Variants in PTPRM observed in about 807,000 individuals in gnomAD.
PTPRM encodes the protein receptor-type tyrosine-protein phosphatase mu.
In PTPRM, 47 loss-of-function variants were observed where a neutral mutation model predicts 186.7. The observed-to-expected ratio is 0.25, with a 90% confidence interval of 0.20 to 0.32. The LOEUF (loss-of-function observed/expected upper bound fraction) is 0.32. Ranked by LOEUF, PTPRM falls within the 10% of genes least tolerant of loss-of-function variation. PTPRM has a pLI of 1.00. For synonymous variants in PTPRM, 668 were observed against 674.9 expected, an observed-to-expected ratio of 0.99 and a Z score of 0.16; for missense variants, 1,494 against 1,865.0, an observed-to-expected ratio of 0.80 and a Z score of 3.66.
Position 8,366,849 on chromosome 18 carries a change from C to T in PTPRM, c.3055-4041C>T, listed in dbSNP as rs945479855. 1.3e-5 allele frequency: 2 copies of T among 152,228 alleles called. 1 individual carries two copies. Among genetic ancestry groups the T allele is most frequent in the Non-Finnish European group, 2.9e-5 (2 of 68,058 alleles). 9.4% of individuals were successfully genotyped at this position (152,228 alleles called of 1,614,324 possible). On this transcript the variant is annotated intron_variant, in intron 23 of 32. Coordinates refer to ENST00000580170, the MANE Select transcript of PTPRM (RefSeq NM_001105244.2). ...CCTTGCTTTCTGGGCTGGAGGCTGC[C>T]GCCTTACGTGATTAGGATGCGTGGG...
At chr18:8,323,863 C>T (rs1402409210) in intron 22 of PTPRM, among the ~76,000 whole-genome samples, 6 of 152,048 alleles carry the variant, frequency 3.9e-5, no homozygotes, top group Non-Finnish European at 7.4e-5. Flanking sequence ...ACAGAACTTC[C>T]TTCAAAACTA....
intron 19 of PTPRM, among the ~76,000 whole-genome samples, chr18:8,275,061 G>A (rs72913135): frequency 0.055 from 8,331 of 152,188 alleles, 310 homozygotes; most frequent in African/African-American, 0.099. Flanking sequence ...TTTTGAAATC[G>A]TTATTAAAAG....
chr18:8,105,055 CTCTA>C (rs1430356372), intron 11 of PTPRM, among the ~76,000 whole-genome samples: 1 of 152,154 alleles, frequency 6.6e-6, no homozygotes, highest in African/African-American at 2.4e-5. Flanking sequence ...TTTGAAAAGG[CTCTA>C]TCTGTGGCTA....
intron 2 of PTPRM, among the ~76,000 whole-genome samples, chr18:7,801,607 TC>T (rs2043973305): frequency 6.6e-6 from 1 of 152,140 alleles, no homozygotes; most frequent in Non-Finnish European, 1.5e-5. Flanking sequence ...AGTAACATAG[TC>T]ATTTATTACC....
rs553268758 is a variant in PTPRM, at chr18:7,597,315, G to A, written c.73+29424G>A. Among the ~76,000 whole-genome samples the A allele has an allele frequency of 4.6e-5, 7 of 152,324 alleles. No homozygotes were observed. In the South Asian group the frequency reaches 1.4e-3, roughly 32 times the overall value. ...GAGGTGTGAAGTGGGGCTGGTGAGAGAATGCTGTTCTCTCTGTGTTCTCTT... is the reference window on the plus strand; with the variant it reads ...GAGGTGTGAAGTGGGGCTGGTGAGAAAATGCTGTTCTCTCTGTGTTCTCTT... On this transcript the variant is annotated intron_variant, in intron 1 of 32. Coordinates refer to ENST00000580170, the MANE Select transcript of PTPRM (RefSeq NM_001105244.2).
chr18:8,127,012 A>G (rs538985), intron 13 of PTPRM, among the ~76,000 whole-genome samples: 139,246 of 151,980 alleles, frequency 0.92, 63,934 homozygotes, highest in Admixed American at 0.95. Context: ...GGAGTGGGAA[A>G]CAATTGGAGT....
chr18:8,064,343 T>C (rs1361844547), intron 7 of PTPRM, among the ~76,000 whole-genome samples: 1 of 151,646 alleles, frequency 6.6e-6, no homozygotes, highest in African/African-American at 2.4e-5. Flanking sequence ...GACTTTGGCA[T>C]TGTTACACTT....
At chr18:8,215,060 G>C (rs1019691173) in intron 14 of PTPRM, among the ~76,000 whole-genome samples, 3 of 152,120 alleles carry the variant, frequency 2.0e-5, no homozygotes, top group Non-Finnish European at 2.9e-5. Context: ...AAATATAACA[G>C]TCATACTTTT....
At chr18:7,732,258 G>A (rs1322165007) in intron 1 of PTPRM, among the ~76,000 whole-genome samples, 2 of 152,156 alleles carry the variant, frequency 1.3e-5, no homozygotes, top group African/African-American at 4.8e-5. Flanking sequence ...GGTGAGTGAT[G>A]AACAGTAGGG....
At chr18:8,385,148 C>T (rs1441365649) in intron 30 of PTPRM, among the ~76,000 whole-genome samples, 1 of 152,102 alleles carries the variant, frequency 6.6e-6, no homozygotes, top group African/African-American at 2.4e-5. Flanking sequence ...ATCCGAGGAA[C>T]CTGATCAGAT....
At chr18:7,821,407 A>G (rs1025789420) in intron 2 of PTPRM, among the ~76,000 whole-genome samples, 7 of 151,770 alleles carry the variant, frequency 4.6e-5, no homozygotes, top group African/African-American at 1.5e-4. Flanking sequence ...CTAGATGCCT[A>G]TGTAAAGTAG....
intron 1 of PTPRM, among the ~76,000 whole-genome samples, chr18:7,728,679 C>T (rs570700893): frequency 2.6e-5 from 4 of 152,354 alleles, no homozygotes; most frequent in Admixed American, 1.3e-4. Flanking sequence ...CTTCAGCCTT[C>T]AGGCTGTTTT....
chr18:7,927,330 C>G (rs533859981), intron 5 of PTPRM, among the ~76,000 whole-genome samples: 1 of 152,108 alleles, frequency 6.6e-6, no homozygotes, highest in Non-Finnish European at 1.5e-5. Flanking sequence ...TCTTTAAGCT[C>G]TAGGTTTGGG....
intron 2 of PTPRM, among the ~76,000 whole-genome samples, chr18:7,834,193 G>A (rs2045906583): frequency 6.6e-6 from 1 of 151,850 alleles, no homozygotes; most frequent in Non-Finnish European, 1.5e-5. Flanking sequence ...ATGATCGTAT[G>A]GTTTTTGTCT....
At chr18:8,176,680 G>A (rs548809175) in intron 14 of PTPRM, among the ~76,000 whole-genome samples, 1 of 152,304 alleles carries the variant, frequency 6.6e-6, no homozygotes, top group Non-Finnish European at 1.5e-5. Context: ...GAAAGGTCAT[G>A]GGAAGATTAA....
At chr18:7,918,078 T>G (rs113064524) in intron 4 of PTPRM, among the ~76,000 whole-genome samples, 5 of 148,098 alleles carry the variant, frequency 3.4e-5, no homozygotes, top group South Asian at 2.1e-4. Flanking sequence ...TCTTGTGTGT[T>G]TGTGTGTGTG....
At position 7,925,921 on chromosome 18, in the gene PTPRM, C is replaced by T. The variant is rs889666418; in HGVS notation, c.548-647C>T. Among the ~76,000 whole-genome samples, 45 of 152,074 alleles carry T rather than the reference C, an allele frequency of 3.0e-4. 1 individual carries two copies. Among genetic ancestry groups the T allele is most frequent in the Non-Finnish European group, 5.4e-4 (37 of 68,040 alleles). On this transcript the variant is annotated intron_variant, in intron 4 of 32. Transcript: ENST00000580170. ...TGTCCCATATGGACAATGTACATTA[C>T]GAGACAATGGTGTTCACCATTTGGA...
intron 1 of PTPRM, among the ~76,000 whole-genome samples, chr18:7,594,506 CAAA>C (rs889833260): frequency 6.7e-6 from 1 of 150,298 alleles, no homozygotes; most frequent in Non-Finnish European, 1.5e-5. Flanking sequence ...ACCAAACAAA[CAAA>C]AAAAAGAAGG....
chr18:8,147,237 G>T (rs927328247), intron 14 of PTPRM, among the ~76,000 whole-genome samples: 1 of 152,182 alleles, frequency 6.6e-6, no homozygotes, highest in Non-Finnish European at 1.5e-5. Context: ...ATTACTTTGG[G>T]CAGTCTGGCC....
Sources: allele counts gnomAD v4.1 joint callset (sites outside exome capture counted in the v4.1 genomes callset), GRCh38; gene constraint gnomAD v4.1.1; transcripts MANE v1.5; gene names NCBI Gene and HGNC (gene_info 2026-07-23, HGNC 2026-07-21).